RACGAP1: variants seen among roughly 807,000 people sequenced by gnomAD.
RACGAP1 encodes the protein rac GTPase-activating protein 1.
Under a neutral mutation model 78.1 loss-of-function variants are expected in RACGAP1, and 30 were observed. That is an observed-to-expected ratio of 0.38 (90% CI 0.29 to 0.52). The LOEUF is 0.52. Ranked by LOEUF, RACGAP1 falls within the 20% of genes least tolerant of loss-of-function variation. RACGAP1 has a pLI of 0.82. For missense variants in RACGAP1, 587 were observed against 777.1 expected, an observed-to-expected ratio of 0.76 and a Z score of 2.91; for synonymous variants, 231 against 264.8, an observed-to-expected ratio of 0.87 and a Z score of 1.24.
At position 50,016,550 on chromosome 12, in the gene RACGAP1, T is replaced by C. The variant is rs1565698136; in HGVS notation, c.85+81A>G. 2.3e-5 allele frequency: 33 copies of C among 1,430,424 alleles called. 1 individual carries two copies. The East Asian group carries it at 4.1e-4, about 18-fold the overall frequency. 88.6% of individuals were successfully genotyped at this position (1,430,424 alleles called of 1,614,324 possible). A position where few individuals can be genotyped will look rare whatever the true frequency, so the allele number is the denominator to read the frequency against. ...ACCCAAATGGAAAACAACTTTAAGA[T>C]TGGAAAATACTTCAGCTTTGTAAAA... On this transcript the variant is annotated intron_variant, in intron 2 of 16. Transcript: ENST00000312377.
At chr12:50,017,908 G>A (rs1949767398) in intron 1 of RACGAP1, among the ~76,000 whole-genome samples, 1 of 152,180 alleles carries the variant, frequency 6.6e-6, no homozygotes, top group African/African-American at 2.4e-5. Flanking sequence ...TGTAATCCCA[G>A]CACTTTGGGA....
intron 10 of RACGAP1, among the ~76,000 whole-genome samples, chr12:49,996,139 C>G (rs1351812240): frequency 6.6e-6 from 1 of 151,722 alleles, no homozygotes; most frequent in Non-Finnish European, 1.5e-5. Context: ...TGGCAAAACC[C>G]CGTCTCTACT....
chr12:50,025,196 C>T, intron 1 of RACGAP1: 2 of 644,412 alleles, frequency 3.1e-6, no homozygotes, highest in Non-Finnish European at 3.9e-6. Context: ...ACAGAAGCCC[C>T]CGACCCTCCC....
intron 9 of RACGAP1, among the ~76,000 whole-genome samples, chr12:49,997,664 A>C (rs919370260): frequency 1.4e-5 from 2 of 145,118 alleles, no homozygotes; most frequent in Non-Finnish European, 3.0e-5. Flanking sequence ...TGCAACCTCC[A>C]CCTCCCGGGT....
chr12:49,999,018 A>G (rs1303579446), intron 9 of RACGAP1, 123 bp downstream of exon 9: 1 of 1,215,974 alleles, frequency 8.2e-7, no homozygotes, highest in African/African-American at 1.5e-5. Context: ...TGGAGAGTAA[A>G]ATTGGAATGA....
At chr12:50,008,198 A>G (rs1025336512) in intron 2 of RACGAP1, among the ~76,000 whole-genome samples, 1 of 133,528 alleles carries the variant, frequency 7.5e-6, no homozygotes, top group Non-Finnish European at 1.6e-5. Context: ...AAAAAAAGAT[A>G]TTACTTTTTT....
chr12:49,991,475 ATATAT>A (rs1303795212), intron 15 of RACGAP1, among the ~76,000 whole-genome samples: 5 of 33,912 alleles, frequency 1.5e-4, no homozygotes, highest in Non-Finnish European at 3.4e-4. Context: ...ATATATATAT[ATATAT>A]TTTTTTTTTT....
At chr12:50,025,605 T>C (rs898897046), upstream of RACGAP1, 13 of 950,738 alleles carry the variant, frequency 1.4e-5, no homozygotes, top group Admixed American at 3.7e-4. Flanking sequence ...AGCATGCGCA[T>C]TCTGACAAAG....
chr12:50,032,683 G>A (rs2137781801), intron 1 of RACGAP1, among the ~76,000 whole-genome samples: 1 of 152,326 alleles, frequency 6.6e-6, no homozygotes, highest in South Asian at 2.1e-4. Context: ...TGAGAGCTTT[G>A]AGAGCTGGTG....
rs201577423 is a variant in RACGAP1, at chr12:49,997,152, T to C, written c.932A>G (p.Lys311Arg). The C allele has an allele frequency of 3.7e-6, 6 of 1,609,714 alleles. No homozygotes were observed. The African/African-American group carries it at 5.3e-5, about 14-fold the overall frequency. Reference protein sequence around the residue: ...VPCGKRIKFGKLSLKCRDCRV... With the variant: ...VPCGKRIKFGRLSLKCRDCRV... Reference sequence around the variant, plus strand: ...ACAGTCTCGACACTTCAGAGATAATTTGCCAAATTTTATCCGCTTTCCACA... The same window carrying C: ...ACAGTCTCGACACTTCAGAGATAATCTGCCAAATTTTATCCGCTTTCCACA... Residue 311 changes from lysine to arginine, a missense_variant, in exon 10 of 17, where the codon AAA (lysine) becomes AGA (arginine). Lys to Arg is a conservative substitution (Grantham distance 26, BLOSUM62 2). Transcript: ENST00000312377.
chr12:50,025,200 C>A (rs1427980544), intron 1 of RACGAP1, 198 bp downstream of exon 1: 1 of 659,754 alleles, frequency 1.5e-6, no homozygotes, highest in Non-Finnish European at 1.9e-6. Flanking sequence ...AAGCCCCCGA[C>A]CCTCCCAGGC....
chr12:50,004,703 G>A (rs1414900279), intron 4 of RACGAP1, among the ~76,000 whole-genome samples: 1 of 152,180 alleles, frequency 6.6e-6, no homozygotes, highest in African/African-American at 2.4e-5. Context: ...GACTTTTTAA[G>A]AAATTAAGCC....
intron 2 of RACGAP1, among the ~76,000 whole-genome samples, chr12:50,007,954 T>C (rs1949069034): frequency 6.6e-6 from 1 of 151,142 alleles, no homozygotes; most frequent in South Asian, 2.1e-4. Flanking sequence ...GCAAACTAAA[T>C]ACCGTATGCA....
At chr12:49,994,005 A>T in intron 12 of RACGAP1, 126 bp downstream of exon 12, 2 of 950,412 alleles carry the variant, frequency 2.1e-6, no homozygotes, top group Non-Finnish European at 3.0e-6. Flanking sequence ...AGATTGCGCC[A>T]CTGACTTCAG....
chr12:50,027,959 G>T (rs1048237515), upstream of RACGAP1, among the ~76,000 whole-genome samples: 1 of 152,174 alleles, frequency 6.6e-6, no homozygotes, highest in African/African-American at 2.4e-5. Context: ...AGTAGCTTTG[G>T]CCTGAGAAGG....
At chr12:50,005,911 C>CA (rs767614080) in intron 3 of RACGAP1, among the ~76,000 whole-genome samples, 79 of 152,290 alleles carry the variant, frequency 5.2e-4, no homozygotes, top group South Asian at 1.0e-3. Flanking sequence ...CATTATGACC[C>CA]ATCCTGGCAC....
intron 2 of RACGAP1, among the ~76,000 whole-genome samples, chr12:50,008,691 C>T (rs1299065804): frequency 6.6e-6 from 1 of 151,988 alleles, no homozygotes; most frequent in Non-Finnish European, 1.5e-5. Flanking sequence ...TGGGGTTTCA[C>T]CACGTTGGCT....
intron 2 of RACGAP1, among the ~76,000 whole-genome samples, chr12:50,008,455 T>C (rs927739738): frequency 1.3e-5 from 2 of 152,036 alleles, no homozygotes; most frequent in Non-Finnish European, 1.5e-5. Context: ...TGCCTTGGCC[T>C]CCAAAAGTGC....
chr12:50,002,585 T>G (rs1382802181), intron 5 of RACGAP1: 2 of 289,180 alleles, frequency 6.9e-6, no homozygotes, highest in African/African-American at 4.3e-5. Context: ...TTCCAGTGGC[T>G]GATCCTTTAT....
Sources: allele counts gnomAD v4.1 joint callset (sites outside exome capture counted in the v4.1 genomes callset), GRCh38; gene constraint gnomAD v4.1.1; transcripts MANE v1.5; gene names NCBI Gene and HGNC (gene_info 2026-07-23, HGNC 2026-07-21).